Variants in MCF2L2 observed in about 807,000 individuals in gnomAD.
The protein encoded by MCF2L2 is probable guanine nucleotide exchange factor MCF2L2.
A neutral mutation model predicts 150.2 loss-of-function variants in MCF2L2; 102 were observed. The ratio of observed to expected loss-of-function variants is 0.68; its 90% CI spans 0.58 to 0.80. MCF2L2 has a LOEUF of 0.80. MCF2L2 is among the 30% of genes least tolerant of loss of function. The probability of loss-of-function intolerance (pLI) is 0.00; values close to 1 mark genes in which losing one functional copy is unlikely to be tolerated. For synonymous variants in MCF2L2, 465 were observed against 491.3 expected (o/e 0.95, Z 0.71); for missense variants, 1,256 against 1,372.8 (o/e 0.91, Z 1.34).
chr3:183,268,007 TAAG>T (rs1393007937), intron 15 of MCF2L2, among the ~76,000 whole-genome samples: 2 of 152,158 alleles, frequency 1.3e-5, no homozygotes, highest in Non-Finnish European at 2.9e-5. Flanking sequence ...GTATGGGGTA[TAAG>T]AAGGTGCTGG....
At chr3:183,252,207 G>A (rs1200314450) in intron 15 of MCF2L2, among the ~76,000 whole-genome samples, 8 of 151,840 alleles carry the variant, frequency 5.3e-5, no homozygotes, top group Non-Finnish European at 1.2e-4. Flanking sequence ...GTGATGGCTG[G>A]GGGAAATGCA....
chr3:183,395,656 T>C (rs4859181), intron 1 of MCF2L2, among the ~76,000 whole-genome samples: 72,130 of 151,922 alleles, frequency 0.47, 17,747 homozygotes, highest in African/African-American at 0.61. Flanking sequence ...CAGTGGCTCA[T>C]GCCTGTAATC....
At position 183,427,906 on chromosome 3, in the gene MCF2L2, A is replaced by G; in HGVS notation, c.72T>C (p.His24=). 3 of 1,613,706 alleles carry G rather than the reference A, an allele frequency of 1.9e-6. No individual in the cohort carries two copies. The highest frequency in any genetic ancestry group is 1.7e-5 in the Admixed American group (1 of 60,026). ...AAAAATTAAAGCTTCGTTTACCGAC[A>G]TGAGTGATCACTGTGGCCAGTCGCC... ...LTRRLATVIT[H]VDEIMQQEVR... is the part of the protein sequence containing the mutation. Residue 24 remains histidine, a synonymous_variant, in exon 1 of 30, where the codon CAT becomes CAC. Coordinates refer to ENST00000328913, the MANE Select transcript of MCF2L2 (RefSeq NM_015078.4).
intron 15 of MCF2L2, among the ~76,000 whole-genome samples, chr3:183,250,148 T>C (rs187622509): frequency 3.9e-4 from 59 of 152,310 alleles, no homozygotes; most frequent in Admixed American, 2.0e-3. Flanking sequence ...GGAGGATTCT[T>C]GCTTTTGGGG....
At chr3:183,401,047 G>C (rs1006638786) in intron 1 of MCF2L2, among the ~76,000 whole-genome samples, 49 of 152,074 alleles carry the variant, frequency 3.2e-4, no homozygotes, top group Admixed American at 2.2e-3. Flanking sequence ...AGCGCCTCCT[G>C]AACGACTCCT....
intron 27 of MCF2L2, among the ~76,000 whole-genome samples, chr3:183,184,301 G>A (rs975053412): frequency 2.6e-5 from 4 of 152,364 alleles, no homozygotes; most frequent in African/African-American, 9.6e-5. Flanking sequence ...ACAGGCGTGA[G>A]CCACCATGCC....
chr3:183,184,218 A>T (rs1251669262), intron 27 of MCF2L2, among the ~76,000 whole-genome samples: 1 of 152,160 alleles, frequency 6.6e-6, no homozygotes, highest in African/African-American at 2.4e-5. Flanking sequence ...GGGTTTCACC[A>T]TATTGGTCAG....
intron 15 of MCF2L2, chr3:183,271,142 A>G: frequency 2.2e-6 from 1 of 454,836 alleles, no homozygotes; most frequent in African/African-American, 2.0e-5. Flanking sequence ...AAGAATTTGT[A>G]TTTAGAAAAG....
chr3:183,273,782 C>G (rs934477542), intron 15 of MCF2L2, among the ~76,000 whole-genome samples: 3 of 152,136 alleles, frequency 2.0e-5, no homozygotes, highest in African/African-American at 7.2e-5. Context: ...CTGCAGTATT[C>G]AGTACAGCAA....
At chr3:183,296,207 G>A (rs968806579) in intron 12 of MCF2L2, 1 of 152,438 alleles carries the variant, frequency 6.6e-6, no homozygotes, top group Non-Finnish European at 1.5e-5. Context: ...GTGGCTCTCA[G>A]AGGAAGGTGT....
At position 183,371,429 on chromosome 3, in the gene MCF2L2, G is replaced by A. The variant is rs1712870050; in HGVS notation, c.275+7868C>T. On this transcript the variant is annotated intron_variant, in intron 3 of 29. Transcript: ENST00000328913. ...GTTTCCAGTTCATAGGTAGATAAGA[G>A]ACAAAAGGTTGCAGTCTTTTGAGTC... is the stretch of plus-strand genomic sequence containing the variant. 6.0e-5 allele frequency among the ~76,000 whole-genome samples: 9 copies of A among 150,442 alleles called. No homozygotes were observed. In the South Asian group the frequency reaches 1.7e-3, roughly 28 times the overall value.
chr3:183,198,661 T>C (rs1345795118), intron 25 of MCF2L2, among the ~76,000 whole-genome samples: 5 of 152,220 alleles, frequency 3.3e-5, no homozygotes, highest in African/African-American at 1.2e-4. Context: ...TAAGCTAAAA[T>C]GTATGTCCCC....
chr3:183,229,857 C>G, intron 16 of MCF2L2, 76 bp from the exon 17 acceptor site: 3 of 608,248 alleles, frequency 4.9e-6, no homozygotes. Flanking sequence ...ACTGCAAAAC[C>G]CAAAACTTTA....
intron 14 of MCF2L2, among the ~76,000 whole-genome samples, chr3:183,288,863 T>C (rs1577027679): frequency 6.6e-6 from 1 of 152,176 alleles, no homozygotes; most frequent in East Asian, 1.9e-4. Context: ...AATAAAATGA[T>C]TTTTCTTTTA....
chr3:183,249,461 A>T (rs1724414569), intron 15 of MCF2L2, among the ~76,000 whole-genome samples: 2 of 152,126 alleles, frequency 1.3e-5, no homozygotes, highest in South Asian at 2.1e-4. Flanking sequence ...ATGGCACATA[A>T]GAGATTTCCT....
intron 25 of MCF2L2, among the ~76,000 whole-genome samples, chr3:183,199,875 T>C (rs1048012633): frequency 6.7e-6 from 1 of 148,326 alleles, no homozygotes. Flanking sequence ...GAACACACGG[T>C]GTTTGGTTTT....
chr3:183,333,199 A>C (rs916363022), intron 5 of MCF2L2, among the ~76,000 whole-genome samples: 6 of 152,044 alleles, frequency 3.9e-5, no homozygotes, highest in Non-Finnish European at 4.4e-5. Flanking sequence ...GGCATATGCC[A>C]CCATGCCTGA....
intron 15 of MCF2L2, among the ~76,000 whole-genome samples, chr3:183,233,678 G>T (rs1387091668): frequency 6.6e-6 from 1 of 152,136 alleles, no homozygotes; most frequent in African/African-American, 2.4e-5. Context: ...TGCTTTTGGA[G>T]AGTGGTACTG....
Position 183,179,342 on chromosome 3 carries a change from C to A in MCF2L2, c.*38G>T, listed in dbSNP as rs1273285177. ...ACACCGCCTCTCCCGGGAATGCGGG[C>A]GCTCTGGAGCCGAGGAGCGGGGGCG... is the stretch of plus-strand genomic sequence containing the variant. On this transcript the variant is annotated 3_prime_UTR_variant, in exon 30 of 30. Transcript: ENST00000328913. The surrounding 1 kb of genome is among the most constrained non-coding windows in gnomAD (Gnocchi z 4.2). The A allele has an allele frequency of 1.4e-6, 2 of 1,393,508 alleles. No individual in the cohort carries two copies. The highest frequency in any genetic ancestry group is 3.5e-5 in the Admixed American group (1 of 28,752). The allele number at this position is 1,393,508 out of a possible 1,614,324, so 86.3% of individuals were successfully genotyped here. A position where few individuals can be genotyped will look rare whatever the true frequency, so the allele number is the denominator to read the frequency against.
Sources: gnomAD v4.1 joint callset for allele counts (sites outside exome capture counted in the v4.1 genomes callset) on GRCh38, gnomAD v4.1.1 for gene constraint, Gnocchi (gnomAD v3.1) non-coding constraint, MANE v1.5 for transcripts, NCBI Gene and HGNC (gene_info 2026-07-23, HGNC 2026-07-21) for gene names.